ATG10: variants seen among roughly 807,000 people sequenced by gnomAD.
The protein encoded by ATG10 is ubiquitin-like-conjugating enzyme ATG10.
A neutral mutation model predicts 32.1 loss-of-function variants in ATG10; 30 were observed. That is an observed-to-expected ratio of 0.94 (90% CI 0.70 to 1.27). The LOEUF (loss-of-function observed/expected upper bound fraction) is 1.27. Among genes scored for constraint, ATG10 ranks in the 50% most tolerant of loss-of-function variants. ATG10 has a pLI of 0.00. For missense variants in ATG10, 233 were observed against 262.3 expected (o/e 0.89, Z 0.77); for synonymous variants, 87 against 91.5 (o/e 0.95, Z 0.28).
chr5:82,113,118 C>T (rs1765668471), intron 3 of ATG10, among the ~76,000 whole-genome samples: 1 of 151,988 alleles, frequency 6.6e-6, no homozygotes, highest in East Asian at 1.9e-4. Context: ...AGAAAAGTCA[C>T]AGACGCCGTT....
intron 3 of ATG10, among the ~76,000 whole-genome samples, chr5:82,099,857 A>G (rs548898693): frequency 3.9e-5 from 6 of 152,228 alleles, no homozygotes; most frequent in African/African-American, 1.4e-4. Context: ...ATCAATATCT[A>G]TGCAAATGGG....
intron 3 of ATG10, among the ~76,000 whole-genome samples, chr5:82,058,830 G>T (rs952981137): frequency 1.3e-5 from 2 of 152,130 alleles, no homozygotes; most frequent in African/African-American, 2.4e-5. Context: ...CCTGTTGTAG[G>T]GGGAGAAGGA....
chr5:82,120,644 C>G (rs964868319), intron 3 of ATG10, among the ~76,000 whole-genome samples: 7 of 151,416 alleles, frequency 4.6e-5, no homozygotes, highest in Non-Finnish European at 1.0e-4. Flanking sequence ...AGAATCCCTC[C>G]TTTTACTTTT....
intron 3 of ATG10, among the ~76,000 whole-genome samples, chr5:82,138,317 C>T (rs1440734417): frequency 6.6e-6 from 1 of 152,162 alleles, no homozygotes; most frequent in East Asian, 1.9e-4. Flanking sequence ...GCCCAAATGG[C>T]CACTCTGTTT....
At chr5:82,185,884 A>T (rs1744427749) in intron 5 of ATG10, among the ~76,000 whole-genome samples, 1 of 152,196 alleles carries the variant, frequency 6.6e-6, no homozygotes, top group South Asian at 2.1e-4. Flanking sequence ...GTCTTTAGGC[A>T]TCTCTTTTAC....
At chr5:82,116,465 G>T (rs2149820524) in intron 3 of ATG10, among the ~76,000 whole-genome samples, 1 of 152,086 alleles carries the variant, frequency 6.6e-6, no homozygotes, top group South Asian at 2.1e-4. Context: ...GGCTATTGTT[G>T]AGCAAGAATT....
At chr5:82,048,004 G>A (rs1763282179) in intron 2 of ATG10, among the ~76,000 whole-genome samples, 1 of 148,608 alleles carries the variant, frequency 6.7e-6, no homozygotes, top group South Asian at 2.2e-4. Context: ...TTTTTCTCAG[G>A]TTTGTCAAAG....
chr5:82,142,290 G>A (rs1489974760), intron 3 of ATG10, among the ~76,000 whole-genome samples: 2 of 152,160 alleles, frequency 1.3e-5, no homozygotes, highest in Non-Finnish European at 2.9e-5. Flanking sequence ...ATATGTACTA[G>A]TACGATGTTT....
intron 5 of ATG10, among the ~76,000 whole-genome samples, chr5:82,199,926 T>C (rs963797458): frequency 5.9e-5 from 9 of 152,198 alleles, no homozygotes; most frequent in African/African-American, 1.9e-4. Flanking sequence ...ACTTAGCACA[T>C]ATATTTGAGG....
chr5:82,046,660 G>T (rs1561271572), intron 2 of ATG10, among the ~76,000 whole-genome samples: 1 of 152,128 alleles, frequency 6.6e-6, no homozygotes, highest in Non-Finnish European at 1.5e-5. Flanking sequence ...CTTTTCTGAG[G>T]AGTTAAACTG....
intron 2 of ATG10, among the ~76,000 whole-genome samples, chr5:82,043,620 C>T (rs1002707609): frequency 4.6e-5 from 7 of 152,196 alleles, no homozygotes; most frequent in Admixed American, 3.3e-4. Flanking sequence ...ACCATCTCTT[C>T]CTTCATGCAT....
intron 3 of ATG10, among the ~76,000 whole-genome samples, chr5:82,140,076 G>A (rs1581733299): frequency 7.2e-6 from 1 of 139,550 alleles, no homozygotes; most frequent in African/African-American, 2.7e-5. Flanking sequence ...GGGAGGGTCA[G>A]CCCTCCACCC....
At chr5:82,049,219 T>G (rs909649266) in intron 2 of ATG10, among the ~76,000 whole-genome samples, 1 of 151,676 alleles carries the variant, frequency 6.6e-6, no homozygotes, top group African/African-American at 2.4e-5. Flanking sequence ...TATGCAGCCA[T>G]AAAAAATGAT....
At chr5:82,108,319 C>CAT (rs757045366) in intron 3 of ATG10, among the ~76,000 whole-genome samples, 29 of 151,726 alleles carry the variant, frequency 1.9e-4, no homozygotes, top group Non-Finnish European at 2.7e-4. Flanking sequence ...TGCGAGTATA[C>CAT]ATATATATAC....
At chr5:82,145,514 G>A (rs1767314913) in intron 3 of ATG10, among the ~76,000 whole-genome samples, 2 of 151,854 alleles carry the variant, frequency 1.3e-5, no homozygotes, top group South Asian at 4.2e-4. Context: ...TAGAAACTCT[G>A]CAGTTATATT....
chr5:82,219,741 C>A (rs1745841962), intron 5 of ATG10, among the ~76,000 whole-genome samples: 2 of 152,212 alleles, frequency 1.3e-5, no homozygotes, highest in South Asian at 4.1e-4. Flanking sequence ...TTACTTTTAG[C>A]CAAGCCAATT....
chr5:82,153,372 T>C (rs908436200), intron 3 of ATG10, among the ~76,000 whole-genome samples: 2 of 152,018 alleles, frequency 1.3e-5, no homozygotes, highest in African/African-American at 4.8e-5. Flanking sequence ...AAAAAACTTG[T>C]GGGGCATTCT....
chr5:82,150,123 A>T (rs1404612779), intron 3 of ATG10, among the ~76,000 whole-genome samples: 1 of 151,864 alleles, frequency 6.6e-6, no homozygotes, highest in African/African-American at 2.4e-5. Context: ...ACATCTGCTC[A>T]GTAGTCTGCT....
At chr5:82,155,435 G>T (rs1157631089) in intron 3 of ATG10, among the ~76,000 whole-genome samples, 1 of 152,162 alleles carries the variant, frequency 6.6e-6, no homozygotes, top group Non-Finnish European at 1.5e-5. Context: ...GCAAACTAAG[G>T]TCTATGGACT....
Sources: gnomAD v4.1 joint callset for allele counts (sites outside exome capture counted in the v4.1 genomes callset) on GRCh38, gnomAD v4.1.1 for gene constraint, MANE v1.5 for transcripts, NCBI Gene and HGNC (gene_info 2026-07-23, HGNC 2026-07-21) for gene names.